Variants in GNA12 observed in about 807,000 individuals in gnomAD.
GNA12 encodes guanine nucleotide-binding protein subunit alpha-12.
A neutral mutation model predicts 26.0 loss-of-function variants in GNA12; 9 were observed. That is an observed-to-expected ratio of 0.35 (90% CI 0.21 to 0.60). GNA12 has a LOEUF of 0.60. GNA12 is among the 20% of genes least tolerant of loss of function. The pLI, the probability that GNA12 is intolerant of heterozygous loss-of-function variation, is 0.78. For missense variants in GNA12, 405 were observed against 525.8 expected, an observed-to-expected ratio of 0.77 and a Z score of 2.25; for synonymous variants, 264 against 219.6, an observed-to-expected ratio of 1.20 and a Z score of -1.79.
chr7:2,765,803 G>A (rs1276750424), intron 2 of GNA12, among the ~76,000 whole-genome samples: 1 of 151,540 alleles, frequency 6.6e-6, no homozygotes, highest in African/African-American at 2.4e-5. Flanking sequence ...GCTAATTTTT[G>A]TTTTTTAGTA....
chr7:2,819,823 A>G (rs972950337), intron 1 of GNA12, among the ~76,000 whole-genome samples: 1 of 152,232 alleles, frequency 6.6e-6, no homozygotes, highest in African/African-American at 2.4e-5. Flanking sequence ...ACACTCGGGT[A>G]GCTCGTCAAA....
chr7:2,757,163 T>G (rs1583245744), intron 2 of GNA12, among the ~76,000 whole-genome samples: 1 of 113,914 alleles, frequency 8.8e-6, no homozygotes. Flanking sequence ...TGAGACGGAG[T>G]CTTGCTCTGT....
chr7:2,744,279 G>A lies in GNA12; in HGVS notation c.526-10778C>T, dbSNP rs184261501. Among the ~76,000 whole-genome samples, 7 of 152,302 alleles carry A rather than the reference G, an allele frequency of 4.6e-5. No individual in the cohort carries two copies. In the East Asian group the frequency reaches 5.8e-4, roughly 13 times the overall value. The stretch of plus-strand genomic sequence containing the variant: ...CTGGGAGGCACCCCCCAGTAGGGGC[G>A]GACTGACACCTCACACGGCCGGGTA... On this transcript the variant is annotated intron_variant, in intron 2 of 3. Coordinates refer to ENST00000275364, the MANE Select transcript of GNA12 (RefSeq NM_007353.3).
rs533213198 is a variant in GNA12, at chr7:2,805,614, G to A, written c.310-10471C>T. ...TGCCTGGGCTGCCGCCTGCTCTCACGCAGCTTACAGCAGGCACGGAGACTA... is the reference window on the plus strand; with the variant it reads ...TGCCTGGGCTGCCGCCTGCTCTCACACAGCTTACAGCAGGCACGGAGACTA... On this transcript the variant is annotated intron_variant, in intron 1 of 3. Transcript: ENST00000275364. Among the ~76,000 whole-genome samples the A allele has an allele frequency of 5.9e-5, 9 of 152,360 alleles. No homozygotes were observed. In the South Asian group the frequency reaches 1.7e-3, roughly 28 times the overall value.
chr7:2,741,092 T>C (rs1345542859), intron 2 of GNA12, among the ~76,000 whole-genome samples: 1 of 151,626 alleles, frequency 6.6e-6, no homozygotes, highest in East Asian at 1.9e-4. Flanking sequence ...AAAAAACCAC[T>C]ATAGATTTAG....
chr7:2,783,888 TTGGC>T (rs1792296797), intron 2 of GNA12, among the ~76,000 whole-genome samples: 1 of 151,934 alleles, frequency 6.6e-6, no homozygotes, highest in Non-Finnish European at 1.5e-5. Flanking sequence ...TTTCACCACA[TTGGC>T]CAGGCTGGTC....
intron 2 of GNA12, among the ~76,000 whole-genome samples, chr7:2,753,787 T>C (rs958767632): frequency 6.6e-6 from 1 of 152,190 alleles, no homozygotes; most frequent in African/African-American, 2.4e-5. Flanking sequence ...AATTTACTCC[T>C]GTGCCATAAG....
At chr7:2,791,730 G>A (rs1171414413) in intron 2 of GNA12, among the ~76,000 whole-genome samples, 2 of 152,106 alleles carry the variant, frequency 1.3e-5, no homozygotes, top group South Asian at 2.1e-4. Flanking sequence ...TACTGCAGGG[G>A]TGGGGGAGGG....
intron 1 of GNA12, among the ~76,000 whole-genome samples, chr7:2,835,060 T>A (rs1778796518): frequency 6.6e-6 from 1 of 152,214 alleles, no homozygotes; most frequent in Non-Finnish European, 1.5e-5. Context: ...ATCATGTGGA[T>A]GGTTAGGACT....
At chr7:2,840,621 G>A (rs1432253220) in intron 1 of GNA12, among the ~76,000 whole-genome samples, 2 of 152,208 alleles carry the variant, frequency 1.3e-5, no homozygotes, top group African/African-American at 4.8e-5. Context: ...CACTTTGGGA[G>A]GCTGAGGCAG....
intron 1 of GNA12, among the ~76,000 whole-genome samples, chr7:2,807,807 C>T (rs901678754): frequency 1.3e-5 from 2 of 152,176 alleles, no homozygotes; most frequent in East Asian, 1.9e-4. Context: ...AATTAAATAT[C>T]AGCATCAGGC....
At chr7:2,807,884 G>A (rs1419586893) in intron 1 of GNA12, among the ~76,000 whole-genome samples, 3 of 152,158 alleles carry the variant, frequency 2.0e-5, no homozygotes, top group Non-Finnish European at 4.4e-5. Flanking sequence ...ACACACGACC[G>A]AAGAGCAGCC....
intron 3 of GNA12, among the ~76,000 whole-genome samples, chr7:2,732,651 G>C (rs1434370376): frequency 6.6e-6 from 1 of 152,200 alleles, no homozygotes; most frequent in Non-Finnish European, 1.5e-5. Flanking sequence ...ACACGGACAT[G>C]ATCATGCCTC....
intron 2 of GNA12, among the ~76,000 whole-genome samples, chr7:2,743,762 C>A (rs1438737288): frequency 6.6e-6 from 1 of 152,178 alleles, no homozygotes; most frequent in Non-Finnish European, 1.5e-5. Context: ...TCAGGGAATT[C>A]CCTTTCCTAC....
At chr7:2,834,935 G>A (rs540943818) in intron 1 of GNA12, among the ~76,000 whole-genome samples, 7 of 152,240 alleles carry the variant, frequency 4.6e-5, no homozygotes, top group Admixed American at 2.0e-4. Flanking sequence ...GATCCCAGTC[G>A]TTAAGCAATG....
chr7:2,793,776 G>A (rs1320192699), intron 2 of GNA12, among the ~76,000 whole-genome samples: 1 of 151,560 alleles, frequency 6.6e-6, no homozygotes, highest in Non-Finnish European at 1.5e-5. Flanking sequence ...TCTGCTACTC[G>A]GGAGGCTGAG....
At chr7:2,799,152 C>T (rs775217681) in intron 1 of GNA12, among the ~76,000 whole-genome samples, 1 of 152,120 alleles carries the variant, frequency 6.6e-6, no homozygotes, top group African/African-American at 2.4e-5. Flanking sequence ...TTGATGAAAA[C>T]GAAAATATTT....
chr7:2,760,909 TG>T lies in GNA12; in HGVS notation c.526-27409del, dbSNP rs148917147. Reference sequence around the variant, plus strand: ...GCAATGTGGCTTCTTTGGTGGGGAGTGGGGGGTTCTGGCTGGCACCTTCCCC... The same window carrying T: ...GCAATGTGGCTTCTTTGGTGGGGAGTGGGGGTTCTGGCTGGCACCTTCCCC... On this transcript the variant is annotated intron_variant, in intron 2 of 3. Transcript: ENST00000275364. 1.2e-3 allele frequency among the ~76,000 whole-genome samples: 187 copies of T among 151,954 alleles called. 3 individuals are homozygous for T. Among genetic ancestry groups the T allele is most frequent in the East Asian group, 0.012 (61 of 5,160 alleles).
chr7:2,842,278 C>T (rs1345142921), intron 1 of GNA12, among the ~76,000 whole-genome samples: 2 of 152,092 alleles, frequency 1.3e-5, no homozygotes, highest in African/African-American at 4.8e-5. Flanking sequence ...GCTCACGGTA[C>T]TGAGAGACTG....
Sources: allele counts gnomAD v4.1 joint callset (sites outside exome capture counted in the v4.1 genomes callset), GRCh38; gene constraint gnomAD v4.1.1; transcripts MANE v1.5; gene names NCBI Gene and HGNC (gene_info 2026-07-23, HGNC 2026-07-21).